SDK1: variants seen among roughly 807,000 people sequenced by gnomAD.
SDK1 encodes sidekick cell adhesion molecule 1.
A neutral mutation model predicts 245.5 loss-of-function variants in SDK1; 157 were observed. The ratio of observed to expected loss-of-function variants is 0.64; its 90% CI spans 0.56 to 0.73. SDK1 has a LOEUF of 0.73. SDK1 is among the 30% of genes least tolerant of loss of function. The probability of loss-of-function intolerance (pLI) is 0.00; values close to 1 mark genes in which losing one functional copy is unlikely to be tolerated. For synonymous variants in SDK1, 1,647 were observed against 1,278.5 expected (o/e 1.29, Z -6.15); for missense variants, 3,583 against 3,002.3 (o/e 1.19, Z -4.52).
At chr7:3,766,344 G>T (rs1268726769) in intron 4 of SDK1, among the ~76,000 whole-genome samples, 1 of 152,260 alleles carries the variant, frequency 6.6e-6, no homozygotes, top group African/African-American at 2.4e-5. Flanking sequence ...ATTGCAAAGT[G>T]TACTCACTTA....
intron 4 of SDK1, among the ~76,000 whole-genome samples, chr7:3,685,174 A>T (rs560512092): frequency 6.6e-6 from 1 of 151,790 alleles, no homozygotes; most frequent in African/African-American, 2.4e-5. Context: ...AAATAAATTT[A>T]TACCAAGACA....
At chr7:3,663,741 A>G (rs1015995231) in intron 4 of SDK1, among the ~76,000 whole-genome samples, 10 of 152,178 alleles carry the variant, frequency 6.6e-5, no homozygotes, top group Admixed American at 3.3e-4. Flanking sequence ...TTGCCACACT[A>G]GAATTATGTG....
At chr7:4,222,959 C>T (rs576934638) in intron 40 of SDK1, among the ~76,000 whole-genome samples, 1 of 152,064 alleles carries the variant, frequency 6.6e-6, no homozygotes, top group South Asian at 2.1e-4. Context: ...GGGGAGGGAG[C>T]TGGTGGCAGG....
At chr7:3,592,852 T>C (rs571360553) in intron 1 of SDK1, among the ~76,000 whole-genome samples, 1 of 152,334 alleles carries the variant, frequency 6.6e-6, no homozygotes, top group South Asian at 2.1e-4. Context: ...GAAACACTGA[T>C]GGGTTTTTAA....
intron 17 of SDK1, among the ~76,000 whole-genome samples, chr7:4,024,442 G>C (rs1447450440): frequency 6.6e-6 from 1 of 152,230 alleles, no homozygotes; most frequent in East Asian, 1.9e-4. Context: ...GATTCTCCCA[G>C]CGTTGCCTAA....
chr7:3,570,430 T>G (rs1005610693), intron 1 of SDK1, among the ~76,000 whole-genome samples: 2 of 152,118 alleles, frequency 1.3e-5, no homozygotes, highest in Non-Finnish European at 2.9e-5. Context: ...CCTCCTGCTG[T>G]GCAGCTGGTT....
chr7:4,052,446 G>T (rs1219142476), intron 19 of SDK1, among the ~76,000 whole-genome samples: 1 of 152,132 alleles, frequency 6.6e-6, no homozygotes, highest in Non-Finnish European at 1.5e-5. Context: ...AAAGCATTCA[G>T]ATGTTCCAGA....
chr7:3,944,452 G>T (rs760735610), intron 5 of SDK1, among the ~76,000 whole-genome samples: 2 of 152,226 alleles, frequency 1.3e-5, no homozygotes, highest in African/African-American at 4.8e-5. Flanking sequence ...AATGTAGGAC[G>T]TTGAAGTAGA....
At position 3,710,106 on chromosome 7, in the gene SDK1, T is replaced by G. The variant is rs554070144; in HGVS notation, c.713+68001T>G. On this transcript the variant is annotated intron_variant, in intron 4 of 44. Transcript: ENST00000404826. Reference sequence around the variant, plus strand: ...AACCTCACATGTTGTTCACAAACCTTTTATGTTTTAAGCTGCTTCAGGACA... The same window carrying G: ...AACCTCACATGTTGTTCACAAACCTGTTATGTTTTAAGCTGCTTCAGGACA... 3.0e-4 allele frequency among the ~76,000 whole-genome samples: 46 copies of G among 152,360 alleles called. 1 individual carries two copies. Among genetic ancestry groups the G allele is most frequent in the African/African-American group, 1.1e-3 (46 of 41,588 alleles).
rs571273358 is a variant in SDK1 at position 3,572,161 on chromosome 7, T to C, written c.299-46919T>C. ...CACTGGGCACTTATGTTCAAAGTAC[T>C]GTGGGTGATAGAACTAATAAGTTAG... On this transcript the variant is annotated intron_variant, in intron 1 of 44. Coordinates refer to ENST00000404826, the MANE Select transcript of SDK1 (RefSeq NM_152744.4). Among the ~76,000 whole-genome samples the C allele has an allele frequency of 1.6e-4, 24 of 152,254 alleles. 2 individuals are homozygous for C. In the South Asian group the frequency reaches 5.0e-3, roughly 32 times the overall value.
At chr7:3,863,973 G>A (rs917572343) in intron 5 of SDK1, among the ~76,000 whole-genome samples, 12 of 152,178 alleles carry the variant, frequency 7.9e-5, no homozygotes, top group Non-Finnish European at 1.2e-4. Context: ...GGGTTGCATG[G>A]TAAGTCGATG....
intron 25 of SDK1, among the ~76,000 whole-genome samples, chr7:4,125,065 GTGGA>G (rs758297818): frequency 5.4e-5 from 8 of 149,508 alleles, no homozygotes; most frequent in East Asian, 2.0e-4. Flanking sequence ...TGGGTAATGG[GTGGA>G]TGGATGGATG....
At chr7:3,841,329 G>A (rs139330594) in intron 5 of SDK1, among the ~76,000 whole-genome samples, 25 of 152,298 alleles carry the variant, frequency 1.6e-4, no homozygotes, top group Non-Finnish European at 2.6e-4. Flanking sequence ...GGTGCTGGAG[G>A]CATCCTTTGG....
chr7:3,698,704 G>C (rs1190327704), intron 4 of SDK1, among the ~76,000 whole-genome samples: 5 of 152,122 alleles, frequency 3.3e-5, no homozygotes, highest in African/African-American at 1.2e-4. Flanking sequence ...CTTTCTTCCT[G>C]GCTTGTAAAC....
chr7:3,495,327 G>A (rs1048623208), intron 1 of SDK1, among the ~76,000 whole-genome samples: 6 of 136,860 alleles, frequency 4.4e-5, no homozygotes, highest in Non-Finnish European at 9.0e-5. Flanking sequence ...TTGCAATCTC[G>A]GCTCATTGCA....
Position 3,989,985 on chromosome 7 carries a change from G to A in SDK1, c.2131+2663G>A, listed in dbSNP as rs541435108. Among the ~76,000 whole-genome samples, 107 of 152,324 alleles carry A rather than the reference G, an allele frequency of 7.0e-4. 1 individual carries two copies. Among genetic ancestry groups the A allele is most frequent in the African/African-American group, 2.5e-3 (104 of 41,586 alleles). Reference sequence around the variant, plus strand: ...CCTGTGCTGTCTGACTCCAGAGCCGGTGCTCATGACGAGTGTCAGGCATCC... The same window carrying A: ...CCTGTGCTGTCTGACTCCAGAGCCGATGCTCATGACGAGTGTCAGGCATCC... On this transcript the variant is annotated intron_variant, in intron 14 of 44. Transcript: ENST00000404826.
At chr7:3,748,574 C>A (rs114973196) in intron 4 of SDK1, among the ~76,000 whole-genome samples, 1,900 of 152,210 alleles carry the variant, frequency 0.012, 46 homozygotes, top group African/African-American at 0.044. Context: ...ACTATTCAGT[C>A]ACATGGATCT....
chr7:4,101,873 T>A (rs901719744), intron 22 of SDK1, among the ~76,000 whole-genome samples: 1 of 149,676 alleles, frequency 6.7e-6, no homozygotes, highest in Non-Finnish European at 1.5e-5. Flanking sequence ...CTCAGGAGGG[T>A]CAGAGAAAGG....
chr7:4,208,385 G>A, intron 37 of SDK1, 100 bp downstream of exon 37: 1 of 1,097,890 alleles, frequency 9.1e-7, no homozygotes, highest in Non-Finnish European at 1.3e-6. Context: ...GGCCCGCCCA[G>A]GCGGAAGGCA....
Sources: allele counts gnomAD v4.1 joint callset (sites outside exome capture counted in the v4.1 genomes callset), GRCh38; gene constraint gnomAD v4.1.1; transcripts MANE v1.5; gene names NCBI Gene and HGNC (gene_info 2026-07-23, HGNC 2026-07-21).